CCDC91: variants seen among roughly 807,000 people sequenced by gnomAD.
The protein encoded by CCDC91 is coiled-coil domain containing 91.
CCDC91 carries 48 observed loss-of-function variants against 63.2 expected under a neutral mutation model. The observed-to-expected ratio is 0.76, with a 90% confidence interval of 0.60 to 0.97. The LOEUF is 0.97. Among genes scored for constraint, CCDC91 ranks in the 50% least tolerant of loss-of-function variants. CCDC91 has a pLI of 0.00. For missense variants in CCDC91, 500 were observed against 494.6 expected, an observed-to-expected ratio of 1.01 and a Z score of -0.10; for synonymous variants, 167 against 165.8, an observed-to-expected ratio of 1.01 and a Z score of -0.06.
At chr12:28,307,790 G>A (rs1210963553) in intron 6 of CCDC91, 41 bp downstream of exon 6, 2 of 1,006,124 alleles carry the variant, frequency 2.0e-6, no homozygotes, top group East Asian at 2.4e-5. Flanking sequence ...TAAGCCTTTT[G>A]ATGAAGCATG....
chr12:28,419,931 G>T (rs546461560), intron 8 of CCDC91, among the ~76,000 whole-genome samples: 1 of 151,672 alleles, frequency 6.6e-6, no homozygotes, highest in Non-Finnish European at 1.5e-5. Flanking sequence ...TAATTTTTGT[G>T]TTTTTTGTAG....
At chr12:28,428,802 C>T (rs1362710644) in intron 8 of CCDC91, among the ~76,000 whole-genome samples, 1 of 151,872 alleles carries the variant, frequency 6.6e-6, no homozygotes, top group Non-Finnish European at 1.5e-5. Flanking sequence ...TGTTACTTAT[C>T]AAATCTGCAT....
intron 1 of CCDC91, among the ~76,000 whole-genome samples, chr12:28,209,992 TC>T (rs1390824155): frequency 6.6e-6 from 1 of 152,210 alleles, no homozygotes; most frequent in African/African-American, 2.4e-5. Context: ...TTTCATAACT[TC>T]CGTAGACCAT....
intron 7 of CCDC91, among the ~76,000 whole-genome samples, chr12:28,389,165 G>T (rs1159722054): frequency 1.3e-5 from 2 of 152,110 alleles, no homozygotes; most frequent in Non-Finnish European, 2.9e-5. Context: ...TGTTCTTTGT[G>T]TATAGTGGTG....
intron 11 of CCDC91, among the ~76,000 whole-genome samples, chr12:28,482,426 A>T (rs1437770892): frequency 6.6e-6 from 1 of 151,960 alleles, no homozygotes; most frequent in Non-Finnish European, 1.5e-5. Context: ...AATTTTTCAA[A>T]GACTTTCAGA....
intron 8 of CCDC91, among the ~76,000 whole-genome samples, chr12:28,418,258 C>T (rs1947798272): frequency 6.6e-6 from 1 of 151,908 alleles, no homozygotes; most frequent in African/African-American, 2.4e-5. Flanking sequence ...AATAGCTTAC[C>T]AAAATTTATG....
rs754742282 is a variant in CCDC91 at position 28,305,703 on chromosome 12, AC to A, written c.165del (p.Ser56LeufsTer26). 1 of 1,613,004 alleles carries A rather than the reference AC, an allele frequency of 6.2e-7. No individual in the cohort carries two copies. Among genetic ancestry groups the A allele is most frequent in the Admixed American group, 1.7e-5 (1 of 59,906 alleles). ...CCTGAGATTGTACTGGACCGTGACC[AC>A]TCTTCTTCCATTGGCTGCCTCTCTT... The part of the protein sequence containing the change: ...SSPEIVLDRD[H>X]SSSIGCLSSD... On this transcript the variant is annotated frameshift_variant, in exon 4 of 13. Transcript: ENST00000536442. LOFTEE classifies it high-confidence loss of function.
At chr12:28,251,475 A>G (rs896231967) in intron 1 of CCDC91, among the ~76,000 whole-genome samples, 6 of 152,118 alleles carry the variant, frequency 3.9e-5, no homozygotes, top group African/African-American at 7.2e-5. Flanking sequence ...TTTTGTAAAG[A>G]AAAACTTTCT....
At chr12:28,522,669 G>T (rs1329540375) in intron 12 of CCDC91, among the ~76,000 whole-genome samples, 2 of 152,046 alleles carry the variant, frequency 1.3e-5, no homozygotes, top group African/African-American at 2.4e-5. Context: ...TGATGTTAGG[G>T]TGTCAATTTT....
chr12:28,471,396 C>T (rs536525631), intron 11 of CCDC91, among the ~76,000 whole-genome samples: 36 of 152,224 alleles, frequency 2.4e-4, no homozygotes, highest in Middle Eastern at 6.8e-3. Flanking sequence ...CATATGTTTT[C>T]AGGAATCTCC....
intron 3 of CCDC91, among the ~76,000 whole-genome samples, chr12:28,273,684 GTTGT>G (rs1358298644): frequency 3.9e-5 from 6 of 152,134 alleles, no homozygotes; most frequent in African/African-American, 1.2e-4. Context: ...TTTTGATGGG[GTTGT>G]TTGTTTTTTT....
intron 1 of CCDC91, among the ~76,000 whole-genome samples, chr12:28,208,217 G>A (rs1303831700): frequency 6.6e-6 from 1 of 152,106 alleles, no homozygotes; most frequent in Non-Finnish European, 1.5e-5. Context: ...AACTGCATCA[G>A]CATTAAGCAA....
chr12:28,296,645 A>G (rs1344381323), intron 3 of CCDC91, among the ~76,000 whole-genome samples: 4 of 151,992 alleles, frequency 2.6e-5, no homozygotes, highest in Non-Finnish European at 5.9e-5. Flanking sequence ...ATGTATAAAC[A>G]TATACATTAT....
At chr12:28,352,673 TTTA>T (rs942481465) in intron 6 of CCDC91, among the ~76,000 whole-genome samples, 1 of 152,158 alleles carries the variant, frequency 6.6e-6, no homozygotes, top group African/African-American at 2.4e-5. Flanking sequence ...TGGAAAGGAA[TTTA>T]TTATTATTAT....
intron 8 of CCDC91, among the ~76,000 whole-genome samples, chr12:28,426,778 T>G (rs574929730): frequency 1.3e-5 from 2 of 152,310 alleles, no homozygotes; most frequent in East Asian, 3.9e-4. Flanking sequence ...TCTGATAATT[T>G]CAAAAATGTT....
rs1335548527 is a variant in CCDC91, at chr12:28,199,903, G to A, written c.-15+9262G>A. ...TATGTTTCGAAAGTTTGGTTATGAT[G>A]TGTTACAGTGTGGATCTCTTGAATT... On this transcript the variant is annotated intron_variant, in intron 1 of 12. Transcript: ENST00000536442. Among the ~76,000 whole-genome samples the A allele has an allele frequency of 2.1e-4, 32 of 152,148 alleles. 1 individual carries two copies. The highest frequency in any genetic ancestry group is 2.1e-3 in the Admixed American group (32 of 15,278).
Position 28,305,608 on chromosome 12 carries a change from T to G in CCDC91, c.110-41T>G, listed in dbSNP as rs202105997. On this transcript the variant is annotated intron_variant, in intron 3 of 12. Transcript: ENST00000536442. ...AACCTGTTCCCTCTCTGTTTTCTCT[T>G]TAATAATCCTATCCTTTTTGTTGTT... is the stretch of plus-strand genomic sequence containing the variant. 1,282 of 1,558,262 alleles carry G rather than the reference T, an allele frequency of 8.2e-4. 2 individuals are homozygous for G. The highest frequency in any genetic ancestry group is 9.5e-4 in the Non-Finnish European group (1,094 of 1,145,918).
intron 6 of CCDC91, among the ~76,000 whole-genome samples, chr12:28,315,910 C>G (rs1030977239): frequency 6.6e-6 from 1 of 151,402 alleles, no homozygotes; most frequent in African/African-American, 2.4e-5. Context: ...TAATAGTGTA[C>G]TAAATATTTA....
At chr12:28,231,099 G>A (rs1944563513) in intron 1 of CCDC91, among the ~76,000 whole-genome samples, 1 of 152,134 alleles carries the variant, frequency 6.6e-6, no homozygotes, top group Admixed American at 6.6e-5. Context: ...GCTCTGTGGT[G>A]AATTTCTTTT....
Sources: gnomAD v4.1 joint callset for allele counts (sites outside exome capture counted in the v4.1 genomes callset) on GRCh38, gnomAD v4.1.1 for gene constraint, MANE v1.5 for transcripts, NCBI Gene and HGNC (gene_info 2026-07-23, HGNC 2026-07-21) for gene names.